The following FAS variants were observed in gnomAD, a reference collection of about 807,000 sequenced individuals.
The protein encoded by FAS is Fas cell surface death receptor, also known as tumor necrosis factor receptor superfamily member 6.
A neutral mutation model predicts 33.2 loss-of-function variants in FAS; 5 were observed. The ratio of observed to expected loss-of-function variants is 0.15; its 90% CI spans 0.08 to 0.32. FAS has a LOEUF of 0.32. Ranked by LOEUF, FAS falls within the 10% of genes least tolerant of loss-of-function variation. FAS has a pLI of 1.00. For synonymous variants in FAS, 131 were observed against 130.7 expected, an observed-to-expected ratio of 1.00 and a Z score of -0.01; for missense variants, 339 against 386.0, an observed-to-expected ratio of 0.88 and a Z score of 1.02.
At chr10:88,965,726 C>T (rs1333403913) in intron 1 of FAS, among the ~76,000 whole-genome samples, 1 of 152,162 alleles carries the variant, frequency 6.6e-6, no homozygotes, top group Non-Finnish European at 1.5e-5. Context: ...CACAGATTTT[C>T]CCAGGGATTG....
chr10:88,990,241 A>G (rs550580064), upstream of FAS, among the ~76,000 whole-genome samples: 1 of 152,328 alleles, frequency 6.6e-6, no homozygotes, highest in Non-Finnish European at 1.5e-5. The surrounding 1 kb of genome is among the most constrained non-coding windows in gnomAD (Gnocchi z 4.9). Context: ...CAGCCACAAC[A>G]TGGACAGCCC....
Position 89,015,271 on chromosome 10 carries a change from A to G in FAS, c.*821A>G, listed in dbSNP as rs921175248. 3.7e-6 allele frequency: 2 copies of G among 534,752 alleles called. No homozygotes were observed. Among genetic ancestry groups the G allele is most frequent in the Non-Finnish European group, 7.2e-6 (2 of 276,708 alleles). The allele number at this position is 534,752 out of a possible 1,614,324, so 33.1% of individuals were successfully genotyped here. A position where few individuals can be genotyped will look rare whatever the true frequency, so the allele number is the denominator to read the frequency against. ...CCAAACATGGAAATATCACCAAAAA[A>G]TACTTAATAGTCCACCAAAAGGCAA... On this transcript the variant is annotated 3_prime_UTR_variant, in exon 9 of 9. Coordinates refer to ENST00000652046, the MANE Select transcript of FAS (RefSeq NM_000043.6).
At chr10:88,971,063 C>T (rs1158150783) in intron 1 of FAS, among the ~76,000 whole-genome samples, 1 of 152,096 alleles carries the variant, frequency 6.6e-6, no homozygotes, top group African/African-American at 2.4e-5. Context: ...CTACAGATGG[C>T]ACAAATAATA....
At position 89,014,860 on chromosome 10, in the gene FAS, T is replaced by C; in HGVS notation, c.*410T>C. 1.9e-6 allele frequency: 1 copy of C among 538,216 alleles called. No individual in the cohort carries two copies. 33.3% of individuals were successfully genotyped at this position (538,216 alleles called of 1,614,324 possible). On this transcript the variant is annotated 3_prime_UTR_variant, in exon 9 of 9. Coordinates refer to ENST00000652046, the MANE Select transcript of FAS (RefSeq NM_000043.6). ...TATGACCTTTTGCTGAAATATCAGT[T>C]ACTGAACAGGCAGGCCACTTTGCCT...
At chr10:89,008,435 T>C (rs1157814120) in intron 3 of FAS, among the ~76,000 whole-genome samples, 1 of 152,204 alleles carries the variant, frequency 6.6e-6, no homozygotes, top group Non-Finnish European at 1.5e-5. Context: ...TGGCAGTGCA[T>C]TAGAATTGCT....
upstream of FAS, among the ~76,000 whole-genome samples, chr10:88,982,559 T>C (rs1002064315): frequency 2.6e-5 from 4 of 152,200 alleles, no homozygotes; most frequent in African/African-American, 7.2e-5. Context: ...TGGACATTTA[T>C]GGTCACATTA....
At chr10:89,007,596 CTT>C in intron 2 of FAS, 102 bp from the exon 3 acceptor site, 3 of 1,454,836 alleles carry the variant, frequency 2.1e-6, no homozygotes, top group Non-Finnish European at 9.4e-7. Flanking sequence ...CCCCCCTCCC[CTT>C]GTGTTTTAGA....
At chr10:88,976,193 A>C (rs1323078361) in intron 2 of FAS, among the ~76,000 whole-genome samples, 1 of 152,172 alleles carries the variant, frequency 6.6e-6, no homozygotes, top group Non-Finnish European at 1.5e-5. Flanking sequence ...CACTAACTAT[A>C]GCTGATGAGC....
intron 2 of FAS, chr10:88,974,792 T>C (rs1846526759): frequency 6.6e-6 from 1 of 152,234 alleles, no homozygotes; most frequent in African/African-American, 2.4e-5. Context: ...TCCTGATTAA[T>C]GCTCTAATAT....
intron 2 of FAS, among the ~76,000 whole-genome samples, chr10:88,981,030 G>A (rs970633661): frequency 3.9e-5 from 6 of 152,190 alleles, no homozygotes; most frequent in African/African-American, 1.4e-4. Flanking sequence ...CAGAGGGGAT[G>A]TTTGAATGAC....
chr10:88,983,053 GAATCTT>G (rs1307301545), upstream of FAS, among the ~76,000 whole-genome samples: 1 of 152,144 alleles, frequency 6.6e-6, no homozygotes, highest in Non-Finnish European at 1.5e-5. Flanking sequence ...TACCGAATCA[GAATCTT>G]AATCTTAATA....
chr10:88,969,247 T>C (rs1009638853), intron 1 of FAS, among the ~76,000 whole-genome samples: 1 of 152,224 alleles, frequency 6.6e-6, no homozygotes, highest in Non-Finnish European at 1.5e-5. Context: ...ATGTCCAAAT[T>C]ACCTTGCCAT....
chr10:88,989,364 C>T (rs2133375601), upstream of FAS: 6 of 293,568 alleles, frequency 2.0e-5, no homozygotes, highest in Admixed American at 4.1e-5. Context: ...TTTAAATGAA[C>T]TTTTCATTTT....
At chr10:88,991,118 C>T (rs1024912814) in intron 1 of FAS, 1 of 637,230 alleles carries the variant, frequency 1.6e-6, no homozygotes, top group Admixed American at 2.8e-5. Context: ...CGCTGGAGGA[C>T]TTGCTTTTCT....
chr10:88,986,449 T>C (rs1456532313), upstream of FAS, among the ~76,000 whole-genome samples: 1 of 152,230 alleles, frequency 6.6e-6, no homozygotes, highest in Non-Finnish European at 1.5e-5. Flanking sequence ...TAAACATTCT[T>C]TAATGCATTG....
intron 2 of FAS, among the ~76,000 whole-genome samples, chr10:88,975,662 G>T (rs1263867174): frequency 2.6e-5 from 4 of 151,740 alleles, no homozygotes; most frequent in Middle Eastern, 3.2e-3. Context: ...TTCAATGTTG[G>T]TCAATGCTGC....
At chr10:88,993,637 A>G (rs1290531585) in intron 1 of FAS, among the ~76,000 whole-genome samples, 2 of 152,260 alleles carry the variant, frequency 1.3e-5, no homozygotes, top group Non-Finnish European at 2.9e-5. Context: ...GCAGTCATAC[A>G]GAATAGTTTT....
intron 2 of FAS, among the ~76,000 whole-genome samples, chr10:89,006,181 G>A (rs1403083534): frequency 6.6e-6 from 1 of 152,136 alleles, no homozygotes; most frequent in Non-Finnish European, 1.5e-5. Context: ...TCATTAAAGA[G>A]ACCAATTCAT....
In FAS at chr10:88,990,983, C is replaced by CGCGTGCGGGAT. The variant is rs1847150321; in HGVS notation, c.30+78_30+88dup. 3.1e-6 allele frequency: 5 copies of CGCGTGCGGGAT among 1,603,568 alleles called. No individual in the cohort carries two copies. The highest frequency in any genetic ancestry group is 4.3e-6 in the Non-Finnish European group (5 of 1,171,300). On this transcript the variant is annotated intron_variant, in intron 1 of 8. Coordinates refer to ENST00000652046, the MANE Select transcript of FAS (RefSeq NM_000043.6). This position sits in a 1 kb window ranked among gnomAD's most constrained non-coding sequence, Gnocchi z 4.9. The stretch of plus-strand genomic sequence containing the variant: ...TAGGCAAAGTGGGGCGGGCGCGGGA[C>CGCGTGCGGGAT]GCGTGCGGGATTGCGGCGGCAGCGG...
Sources: gnomAD v4.1 joint callset for allele counts (sites outside exome capture counted in the v4.1 genomes callset) on GRCh38, gnomAD v4.1.1 for gene constraint, Gnocchi (gnomAD v3.1) non-coding constraint, MANE v1.5 for transcripts, NCBI Gene and HGNC (gene_info 2026-07-23, HGNC 2026-07-21) for gene names.